The following RANBP2 variants were observed in gnomAD, a reference collection of about 807,000 sequenced individuals.
RANBP2 encodes the protein RAN binding protein 2.
Under a neutral mutation model 303.6 loss-of-function variants are expected in RANBP2, and 57 were observed. The ratio of observed to expected loss-of-function variants is 0.19; its 90% CI spans 0.15 to 0.23. RANBP2 has a LOEUF of 0.23. RANBP2 is among the 10% of genes least tolerant of loss of function. RANBP2 has a pLI of 1.00. For synonymous variants in RANBP2, 1,167 were observed against 1,301.5 expected (o/e 0.90, Z 2.23); for missense variants, 3,138 against 3,780.8 (o/e 0.83, Z 4.46).
chr2:108,831,782 G>C, the RANBP2 span, among the ~76,000 whole-genome samples: 1 of 150,304 alleles, frequency 6.7e-6, no homozygotes, highest in South Asian at 2.1e-4. Context: ...GCCCAGGCTG[G>C]AGCGCAATGG....
At chr2:109,208,434 C>T in the RANBP2 span, among the ~76,000 whole-genome samples, 2 of 152,128 alleles carry the variant, frequency 1.3e-5, no homozygotes, top group African/African-American at 4.8e-5. Flanking sequence ...GTCTAGGAGC[C>T]CAGCCATCAT....
At chr2:109,487,063 T>G in the RANBP2 span, among the ~76,000 whole-genome samples, 1 of 152,090 alleles carries the variant, frequency 6.6e-6, no homozygotes, top group Non-Finnish European at 1.5e-5. Context: ...AGGGGGAACG[T>G]TTGCAGAAGA....
the RANBP2 span, among the ~76,000 whole-genome samples, chr2:108,842,327 A>G: frequency 2.0e-5 from 3 of 151,912 alleles, no homozygotes; most frequent in African/African-American, 7.3e-5. Flanking sequence ...ACGTGAGCCA[A>G]CCCATCTGGC....
the RANBP2 span, chr2:109,614,348 C>T: frequency 1.4e-6 from 1 of 726,674 alleles, no homozygotes. Context: ...AGGCGGTGGC[C>T]GAGTCCTCTG....
chr2:109,286,448 C>G, the RANBP2 span, among the ~76,000 whole-genome samples: 1 of 152,184 alleles, frequency 6.6e-6, no homozygotes. Flanking sequence ...TGTGGTCACT[C>G]AGCACATGCT....
the RANBP2 span, among the ~76,000 whole-genome samples, chr2:109,408,984 G>A: frequency 5.3e-5 from 8 of 152,212 alleles, no homozygotes; most frequent in Non-Finnish European, 1.0e-4. Flanking sequence ...AAGATAGGTT[G>A]CTTCTTAGCT....
the RANBP2 span, among the ~76,000 whole-genome samples, chr2:108,943,185 G>A: frequency 6.6e-5 from 10 of 151,992 alleles, no homozygotes; most frequent in Admixed American, 5.9e-4. Flanking sequence ...TCGTTTCTTC[G>A]TCATTCTCTT....
the RANBP2 span, among the ~76,000 whole-genome samples, chr2:109,317,370 G>A: frequency 6.6e-6 from 1 of 152,112 alleles, no homozygotes; most frequent in Non-Finnish European, 1.5e-5. Context: ...CCCAGGGGGT[G>A]GAGGAGAGTC....
the RANBP2 span, among the ~76,000 whole-genome samples, chr2:109,197,264 C>T: frequency 1.3e-5 from 2 of 152,044 alleles, no homozygotes; most frequent in African/African-American, 4.8e-5. Flanking sequence ...ATTCGTTGGT[C>T]GTTAGGGATG....
chr2:108,905,772 C>T, the RANBP2 span, among the ~76,000 whole-genome samples: 4 of 152,184 alleles, frequency 2.6e-5, no homozygotes, highest in African/African-American at 7.2e-5. Flanking sequence ...GCAGCACTGA[C>T]GGTCCTATCC....
At chr2:109,527,895 T>TGAGGAGCCAGGGAGGGCAGAGCAG in the RANBP2 span, among the ~76,000 whole-genome samples, 1 of 152,042 alleles carries the variant, frequency 6.6e-6, no homozygotes. Context: ...AAATAACGAC[T>TGAGGAGCCAGGGAGGGCAGAGCAG]GAGGAGCCAG....
At chr2:109,634,741 G>T in the RANBP2 span, among the ~76,000 whole-genome samples, 1 of 152,130 alleles carries the variant, frequency 6.6e-6, no homozygotes, top group Non-Finnish European at 1.5e-5. Context: ...ATGTTAAAAA[G>T]TAAGAGAGAA....
chr2:108,790,171 G>C (rs1261661258), downstream of RANBP2, among the ~76,000 whole-genome samples: 5 of 152,032 alleles, frequency 3.3e-5, no homozygotes, highest in Non-Finnish European at 7.4e-5. Context: ...ACTATTTCAT[G>C]TTGCACTCAC....
At chr2:109,359,503 TTAAG>T in the RANBP2 span, among the ~76,000 whole-genome samples, 4 of 152,270 alleles carry the variant, frequency 2.6e-5, no homozygotes, top group African/African-American at 9.6e-5. Flanking sequence ...ACACTTATAC[TTAAG>T]TATTTCATTT....
the RANBP2 span, among the ~76,000 whole-genome samples, chr2:109,157,413 G>A: frequency 4.6e-5 from 7 of 152,190 alleles, no homozygotes; most frequent in Non-Finnish European, 1.0e-4. Context: ...AGGTGAATAT[G>A]TGTAATGTTG....
chr2:109,149,899 G>T, the RANBP2 span, among the ~76,000 whole-genome samples: 2 of 152,164 alleles, frequency 1.3e-5, no homozygotes, highest in Admixed American at 1.3e-4. Flanking sequence ...CCAGTGGAAG[G>T]TTGAAATCAC....
chr2:108,920,512 G>A, the RANBP2 span, among the ~76,000 whole-genome samples: 16 of 152,156 alleles, frequency 1.1e-4, no homozygotes, highest in Middle Eastern at 3.4e-3. Context: ...AAAAATAACC[G>A]AAGGCCTTTT....
chr2:108,735,061 C>T (rs1695461902), intron 4 of RANBP2, among the ~76,000 whole-genome samples: 1 of 151,082 alleles, frequency 6.6e-6, no homozygotes, highest in African/African-American at 2.4e-5. Context: ...TGGGGGTTAT[C>T]CTGAGATGAT....
At chr2:109,540,852 A>T in the RANBP2 span, among the ~76,000 whole-genome samples, 4 of 151,558 alleles carry the variant, frequency 2.6e-5, no homozygotes, top group Non-Finnish European at 5.9e-5. Flanking sequence ...TGCATGATGT[A>T]CCTTTTCCCA....
Sources: allele counts gnomAD v4.1 joint callset (sites outside exome capture counted in the v4.1 genomes callset), GRCh38; gene constraint gnomAD v4.1.1; transcripts MANE v1.5; gene names NCBI Gene and HGNC (gene_info 2026-07-23, HGNC 2026-07-21).